ESR2: variants seen among roughly 807,000 people sequenced by gnomAD.
ESR2 encodes estrogen receptor 2.
A neutral mutation model predicts 49.6 loss-of-function variants in ESR2; 36 were observed. That is an observed-to-expected ratio of 0.73 (90% CI 0.56 to 0.96). The LOEUF is 0.96. Among genes scored for constraint, ESR2 ranks in the 40% least tolerant of loss-of-function variants. The pLI, the probability that ESR2 is intolerant of heterozygous loss-of-function variation, is 0.00. For missense variants in ESR2, 714 were observed against 693.0 expected (o/e 1.03, Z -0.34); for synonymous variants, 320 against 266.1 (o/e 1.20, Z -1.97).
At chr14:64,254,046 A>G (rs2076047923) in intron 6 of ESR2, among the ~76,000 whole-genome samples, 1 of 152,192 alleles carries the variant, frequency 6.6e-6, no homozygotes, top group Admixed American at 6.5e-5. Context: ...AAATAAGCTG[A>G]AGTAATGAGA....
intron 4 of ESR2, among the ~76,000 whole-genome samples, chr14:64,268,009 T>C (rs993822919): frequency 6.6e-6 from 1 of 152,036 alleles, no homozygotes; most frequent in Middle Eastern, 3.2e-3. Flanking sequence ...GAAGAATAAG[T>C]GCAGGCAGAA....
At chr14:64,314,895 A>AG (rs1452515813) in intron 1 of ESR2, among the ~76,000 whole-genome samples, 28 of 145,942 alleles carry the variant, frequency 1.9e-4, no homozygotes, top group African/African-American at 4.4e-4. Flanking sequence ...AAAAAAAAAA[A>AG]AAAAAAAGAA....
At chr14:64,336,569 A>G (rs746721650) in intron 1 of ESR2, 37 of 151,886 alleles carry the variant, frequency 2.4e-4, no homozygotes, top group African/African-American at 9.0e-4. Flanking sequence ...TCTTCTTTTC[A>G]ATCTTCCCTC....
chr14:64,273,177 T>C (rs1339296015), intron 3 of ESR2, among the ~76,000 whole-genome samples: 1 of 152,200 alleles, frequency 6.6e-6, no homozygotes, highest in Non-Finnish European at 1.5e-5. Context: ...ATGCTACTGA[T>C]CCTGCAACTT....
At chr14:64,248,863 T>C (rs940832704) in intron 7 of ESR2, among the ~76,000 whole-genome samples, 11 of 151,988 alleles carry the variant, frequency 7.2e-5, no homozygotes, top group Admixed American at 2.6e-4. Flanking sequence ...CAGAGTGACC[T>C]TTCTATATCG....
chr14:64,305,965 C>A (rs2077091203), intron 1 of ESR2, among the ~76,000 whole-genome samples: 2 of 151,964 alleles, frequency 1.3e-5, no homozygotes, highest in South Asian at 4.1e-4. Context: ...AATCCCAGCA[C>A]TTTGGGAGGC....
chr14:64,332,984 G>T (rs1303526125), intron 1 of ESR2, among the ~76,000 whole-genome samples: 3 of 147,844 alleles, frequency 2.0e-5, no homozygotes, highest in Non-Finnish European at 4.5e-5. Flanking sequence ...TCACGCCATT[G>T]TCCTGCCTCA....
At chr14:64,273,287 C>T (rs1326713240) in intron 3 of ESR2, among the ~76,000 whole-genome samples, 1 of 152,014 alleles carries the variant, frequency 6.6e-6, no homozygotes, top group African/African-American at 2.4e-5. Context: ...TCTTCCTTTC[C>T]AATTTAGATG....
intron 3 of ESR2, among the ~76,000 whole-genome samples, chr14:64,272,066 G>T (rs1224656140): frequency 6.6e-6 from 1 of 152,126 alleles, no homozygotes; most frequent in East Asian, 1.9e-4. Flanking sequence ...ACTAGCATTT[G>T]TTATTGCCCA....
intron 5 of ESR2, among the ~76,000 whole-genome samples, chr14:64,258,952 A>G (rs917079013): frequency 6.6e-6 from 1 of 152,220 alleles, no homozygotes; most frequent in Admixed American, 6.5e-5. Flanking sequence ...TTTCCTGAAA[A>G]CTTTTCAAAA....
At chr14:64,253,053 A>AC (rs1261451100) in intron 6 of ESR2, among the ~76,000 whole-genome samples, 3 of 151,806 alleles carry the variant, frequency 2.0e-5, no homozygotes, top group Non-Finnish European at 2.9e-5. Context: ...AAGGGGTTTC[A>AC]CCATGTTGGC....
rs550575939 is a variant in ESR2 at position 64,257,233 on chromosome 14, G to A, written c.1084C>T (p.Leu362=). ...CAATGTATTTTTTCTCACCTGTCCA[G>A]AACAAGATCTGGAGCAAAGATGAGC... is the stretch of plus-strand genomic sequence containing the variant. ...GKLIFAPDLV[L]DRDEGKCVEG... is the part of the protein sequence containing the mutation. Residue 362 remains leucine (L), a synonymous_variant, in exon 6 of 9, where the codon CTG becomes TTG. Transcript: ENST00000341099. 3.1e-6 allele frequency: 5 copies of A among 1,613,992 alleles called. No homozygotes were observed. The Admixed American group carries it at 5.0e-5, about 16-fold the overall frequency.
intron 1 of ESR2, among the ~76,000 whole-genome samples, chr14:64,302,403 G>A (rs2077035505): frequency 6.6e-6 from 1 of 151,774 alleles, no homozygotes; most frequent in East Asian, 2.0e-4. Context: ...TAGCCAGGAT[G>A]GTCTCAATCT....
In ESR2 at chr14:64,228,646, G is replaced by GAAAC. The variant is rs2098724546; in HGVS notation, c.*4487_*4490dup. Among the ~76,000 whole-genome samples, 1 of 152,188 alleles carries GAAAC rather than the reference G, an allele frequency of 6.6e-6. No homozygotes were observed. Among genetic ancestry groups the GAAAC allele is most frequent in the Non-Finnish European group, 1.5e-5 (1 of 68,032 alleles). ...TAAGGCATTTAGACACCCAACAGAG[G>GAAAC]AAACAAATGCAAAAACATCCATTGT... On this transcript the variant is annotated 3_prime_UTR_variant, in exon 9 of 9. Coordinates refer to ENST00000341099, the MANE Select transcript of ESR2 (RefSeq NM_001437.3).
At chr14:64,285,720 C>T (rs1339055140) in intron 1 of ESR2, among the ~76,000 whole-genome samples, 4 of 150,540 alleles carry the variant, frequency 2.7e-5, no homozygotes, top group Non-Finnish European at 5.9e-5. Flanking sequence ...CCCAGCTACT[C>T]GAGAGGCTAA....
At chr14:64,251,058 G>C (rs909030788) in intron 6 of ESR2, among the ~76,000 whole-genome samples, 7 of 152,158 alleles carry the variant, frequency 4.6e-5, no homozygotes, top group African/African-American at 1.4e-4. Context: ...CCGTCTTAGA[G>C]AATCCAGAGC....
chr14:64,256,531 C>T (rs1465505941), intron 6 of ESR2, among the ~76,000 whole-genome samples: 2 of 152,124 alleles, frequency 1.3e-5, no homozygotes, highest in East Asian at 1.9e-4. Flanking sequence ...GAGTTCAAGA[C>T]CAGCCTGGCC....
Position 64,230,232 on chromosome 14 carries a change from A to G in ESR2, c.*2905T>C, listed in dbSNP as rs1596356868. On this transcript the variant is annotated 3_prime_UTR_variant, in exon 9 of 9. Coordinates refer to ENST00000341099, the MANE Select transcript of ESR2 (RefSeq NM_001437.3). Reference sequence around the variant, plus strand: ...AAAAAAAAGGTGTCAAATCTTATTAAGTGAGGATACTTTGTTTCAAAATAG... The same window carrying G: ...AAAAAAAAGGTGTCAAATCTTATTAGGTGAGGATACTTTGTTTCAAAATAG... Among the ~76,000 whole-genome samples, 1 of 151,924 alleles carries G rather than the reference A, an allele frequency of 6.6e-6. No homozygotes were observed. The highest frequency in any genetic ancestry group is 6.6e-5 in the Admixed American group (1 of 15,250).
chr14:64,326,441 TTTAA>T (rs1181808168), intron 1 of ESR2, among the ~76,000 whole-genome samples: 17 of 152,304 alleles, frequency 1.1e-4, no homozygotes, highest in African/African-American at 1.7e-4. Context: ...TCATTTATTA[TTTAA>T]TTATTTATTA....
Sources: gnomAD v4.1 joint callset for allele counts (sites outside exome capture counted in the v4.1 genomes callset) on GRCh38, gnomAD v4.1.1 for gene constraint, MANE v1.5 for transcripts, NCBI Gene and HGNC (gene_info 2026-07-23, HGNC 2026-07-21) for gene names.